GGCT: variants seen among roughly 807,000 people sequenced by gnomAD.
GGCT encodes the protein gamma-glutamylcyclotransferase, also known as cytochrome c-releasing factor 21.
In GGCT, 20 loss-of-function variants were observed where a neutral mutation model predicts 22.1. That is an observed-to-expected ratio of 0.91 (90% CI 0.64 to 1.32). The LOEUF is 1.32. Among genes scored for constraint, GGCT ranks in the 40% most tolerant of loss-of-function variants. GGCT has a pLI of 0.00. For missense variants in GGCT, 209 were observed against 223.5 expected (o/e 0.94, Z 0.41); for synonymous variants, 72 against 78.4 (o/e 0.92, Z 0.43).
At chr7:30,497,811 TG>T in intron 3 of GGCT, 1 of 1,463,036 alleles carries the variant, frequency 6.8e-7, no homozygotes. Context: ...ACAGGAATTT[TG>T]GGGTCTCTAT....
chr7:30,500,663 CAA>C lies in GGCT; in HGVS notation c.158_159del (p.Phe53TrpfsTer25). ...TGACTTGTTTTGCCTTGGGAATTGC[CAA>C]AGTCAAGCTTAAAATCCTACAAAGG... is the stretch of plus-strand genomic sequence containing the variant. ...VARLQDFKLD[F>X]GNSQGKTSQT... On this transcript the variant is annotated frameshift_variant, in exon 2 of 4. Transcript: ENST00000275428. LOFTEE classifies it high-confidence loss of function. 6.2e-7 allele frequency: 1 copy of C among 1,613,522 alleles called. No homozygotes were observed. The highest frequency in any genetic ancestry group is 2.2e-5 in the East Asian group (1 of 44,818).
intron 1 of GGCT, among the ~76,000 whole-genome samples, chr7:30,501,189 T>C (rs2128124059): frequency 6.6e-6 from 1 of 152,346 alleles, no homozygotes; most frequent in South Asian, 2.1e-4. Context: ...TGAACACTAA[T>C]ACTCACGAAT....
At position 30,501,146 on chromosome 7, in the gene GGCT, C is replaced by G. The variant is rs142717406; in HGVS notation, c.142-465G>C. On this transcript the variant is annotated intron_variant, in intron 1 of 3. Transcript: ENST00000275428. ...TATCACCAAATTTGCCCTGAGGGAC[C>G]TGGCATTTGAGGATGAATGATTTGT... 1.0e-3 allele frequency among the ~76,000 whole-genome samples: 154 copies of G among 152,292 alleles called. 1 individual carries two copies. The highest frequency in any genetic ancestry group is 1.5e-3 in the Non-Finnish European group (104 of 68,036).
Position 30,501,822 on chromosome 7 carries a change from T to G in GGCT, c.142-1141A>C, listed in dbSNP as rs145017159. Among the ~76,000 whole-genome samples, 122 of 152,318 alleles carry G rather than the reference T, an allele frequency of 8.0e-4. 2 individuals are homozygous for G. In the East Asian group the frequency reaches 0.022, roughly 27 times the overall value. ...TGTCACTTATATTTTCTAGAAAAAC[T>G]TGTCAGACATCTCAGGAATTGGGGT... On this transcript the variant is annotated intron_variant, in intron 1 of 3. Coordinates refer to ENST00000275428, the MANE Select transcript of GGCT (RefSeq NM_024051.4).
intron 1 of GGCT, among the ~76,000 whole-genome samples, chr7:30,503,687 G>A (rs931881466): frequency 6.6e-5 from 10 of 151,454 alleles, no homozygotes; most frequent in South Asian, 6.3e-4. Context: ...TATTACAGTT[G>A]CTGTGCCTCC....
At chr7:30,499,182 T>A in intron 2 of GGCT, 1 of 465,400 alleles carries the variant, frequency 2.1e-6, no homozygotes, top group Non-Finnish European at 3.9e-6. Context: ...GAGGCTGAGG[T>A]GGATCACTTG....
chr7:30,498,026 T>TATATAC lies in GGCT; in HGVS notation c.423+776_423+777insGTATAT, dbSNP rs68111355. 2.2e-3 allele frequency: 473 copies of TATATAC among 219,496 alleles called. 2 individuals are homozygous for TATATAC. The highest frequency in any genetic ancestry group is 0.01 in the African/African-American group (449 of 43,986). The allele number at this position is 219,496 out of a possible 1,614,324, so 13.6% of individuals were successfully genotyped here. A position where few individuals can be genotyped will look rare whatever the true frequency, so the allele number is the denominator to read the frequency against. On this transcript the variant is annotated intron_variant, in intron 3 of 3. Transcript: ENST00000275428. Reference sequence around the variant, plus strand: ...AAAAGCATATATATATATATATAGATACACACACACATATACATATATATA... The same window carrying TATATAC: ...AAAAGCATATATATATATATATAGATATATACACACACACACATATACATATATATA...
intron 3 of GGCT, chr7:30,497,506 A>G: frequency 2.7e-6 from 1 of 374,550 alleles, no homozygotes; most frequent in Non-Finnish European, 4.7e-6. Flanking sequence ...TAAGACAAAC[A>G]TATCTATATA....
At chr7:30,499,585 G>A (rs1789647381) in intron 2 of GGCT, among the ~76,000 whole-genome samples, 1 of 151,656 alleles carries the variant, frequency 6.6e-6, no homozygotes, top group Non-Finnish European at 1.5e-5. Context: ...GGTGGTGCAT[G>A]CCTGTAATCC....
In GGCT at chr7:30,496,998, A is replaced by G; in HGVS notation, c.*94T>C. ...TCCTTCAGAGCACTGCTGAAAATGG[A>G]TCAAACGTGGAGATCCCCCAGATCC... On this transcript the variant is annotated 3_prime_UTR_variant, in exon 4 of 4. Transcript: ENST00000275428. 6.4e-6 allele frequency: 5 copies of G among 786,930 alleles called. No homozygotes were observed. The South Asian group carries it at 1.1e-4, about 17-fold the overall frequency. 48.7% of individuals were successfully genotyped at this position (786,930 alleles called of 1,614,324 possible).
At chr7:30,497,774 C>T (rs1216749055) in intron 3 of GGCT, 2 of 1,450,900 alleles carry the variant, frequency 1.4e-6, no homozygotes, top group African/African-American at 1.4e-5. Context: ...TTGGGCCTGC[C>T]AACAGAGAGC....
chr7:30,498,006 C>CATATATATAGAT, intron 3 of GGCT: 1 of 189,912 alleles, frequency 5.3e-6, no homozygotes, highest in Non-Finnish European at 1.1e-5. Flanking sequence ...ATTACAAAAG[C>CATATATATAGAT]ATATATATAT....
At position 30,504,786 on chromosome 7, in the gene GGCT, A is replaced by T. The variant is rs1562744428; in HGVS notation, c.-77T>A. On this transcript the variant is annotated 5_prime_UTR_variant, in exon 1 of 4. Coordinates refer to ENST00000275428, the MANE Select transcript of GGCT (RefSeq NM_024051.4). The stretch of plus-strand genomic sequence containing the variant: ...AGAGAGCGCAACACTGGGGCCCACT[A>T]CCCCGGCGCAGTGACCGCCGCGCGG... 6.9e-7 allele frequency: 1 copy of T among 1,449,896 alleles called. No individual in the cohort carries two copies. The highest frequency in any genetic ancestry group is 1.4e-5 in the African/African-American group (1 of 71,772). The allele number at this position is 1,449,896 out of a possible 1,614,324, so 89.8% of individuals were successfully genotyped here. A position where few individuals can be genotyped will look rare whatever the true frequency, so the allele number is the denominator to read the frequency against.
rs753009097 is a variant in GGCT, at chr7:30,504,678, C to T, written c.32G>A (p.Gly11Asp). 3 of 1,614,076 alleles carry T rather than the reference C, an allele frequency of 1.9e-6. No homozygotes were observed. Among genetic ancestry groups the T allele is most frequent in the Non-Finnish European group, 2.5e-6 (3 of 1,179,930 alleles). MANSGCKDVT[G>D]PDEESFLYFA... is the part of the protein sequence containing the mutation. Reference sequence around the variant, plus strand: ...GTACAGAAAACTCTCCTCATCTGGACCCGTGACGTCCTTGCAGCCCGAGTT... The same window carrying T: ...GTACAGAAAACTCTCCTCATCTGGATCCGTGACGTCCTTGCAGCCCGAGTT... The change falls in exon 1 of 4, where the codon GGT (glycine) becomes GAT (aspartate). Residue 11 changes from glycine (G) to aspartate (D), a missense_variant. Physicochemically the swap from Gly to Asp is moderately conservative, Grantham distance 94. Transcript: ENST00000275428.
chr7:30,501,349 A>G (rs751570941), intron 1 of GGCT, among the ~76,000 whole-genome samples: 55 of 152,194 alleles, frequency 3.6e-4, no homozygotes, highest in Admixed American at 2.0e-4. Flanking sequence ...TGTAATCCCA[A>G]CATTCTGGGA....
At chr7:30,497,580 G>C (rs948355396) in intron 3 of GGCT, 4 of 415,464 alleles carry the variant, frequency 9.6e-6, no homozygotes, top group Non-Finnish European at 1.7e-5. Flanking sequence ...AGTTTACAGA[G>C]AGCAGTTTCG....
chr7:30,504,667 C>A lies in GGCT; in HGVS notation c.43G>T (p.Glu15Ter), dbSNP rs1232858291. ...GCKDVTGPDE[E>*]SFLYFAYGSN... is the part of the protein sequence containing the mutation. ...CCGTAGGCAAAGTACAGAAAACTCT[C>A]CTCATCTGGACCCGTGACGTCCTTG... The change falls in exon 1 of 4, where the codon GAG (glutamate) becomes TAG (stop). Residue 15 changes from glutamate to a stop codon, truncating the protein, a stop_gained. Transcript: ENST00000275428. LOFTEE classifies it high-confidence loss of function. 2 of 1,613,994 alleles carry A rather than the reference C, an allele frequency of 1.2e-6. No individual in the cohort carries two copies. The highest frequency in any genetic ancestry group is 1.7e-6 in the Non-Finnish European group (2 of 1,179,950).
At chr7:30,499,332 G>A (rs1051176301) in intron 2 of GGCT, among the ~76,000 whole-genome samples, 4 of 151,880 alleles carry the variant, frequency 2.6e-5, no homozygotes, top group African/African-American at 9.7e-5. Flanking sequence ...ACTTGAACCC[G>A]GGAGGTGGAG....
Position 30,504,452 on chromosome 7 carries a change from CTAG to C in GGCT, c.141+114_141+116del, listed in dbSNP as rs1010283848. 90 of 1,226,716 alleles carry C rather than the reference CTAG, an allele frequency of 7.3e-5. No individual in the cohort carries two copies. In the Middle Eastern group the frequency reaches 8.1e-4, roughly 11 times the overall value. 76.0% of individuals were successfully genotyped at this position (1,226,716 alleles called of 1,614,324 possible). A position where few individuals can be genotyped will look rare whatever the true frequency, so the allele number is the denominator to read the frequency against. ...CCGCCCAGGAGGCGGAAGCCGCGTC[CTAG>C]TACCCTCATCAAGAAGAACTGCATT... On this transcript the variant is annotated intron_variant, in intron 1 of 3. Coordinates refer to ENST00000275428, the MANE Select transcript of GGCT (RefSeq NM_024051.4).
Sources: allele counts gnomAD v4.1 joint callset (sites outside exome capture counted in the v4.1 genomes callset), GRCh38; gene constraint gnomAD v4.1.1; transcripts MANE v1.5; gene names NCBI Gene and HGNC (gene_info 2026-07-23, HGNC 2026-07-21).